Variants in ARSG observed in about 807,000 individuals in gnomAD.
ARSG encodes arylsulfatase G.
Under a neutral mutation model 50.5 loss-of-function variants are expected in ARSG, and 37 were observed. That is an observed-to-expected ratio of 0.73 (90% confidence interval 0.56 to 0.96). The LOEUF is 0.96. Ranked by LOEUF, ARSG falls within the 50% of genes least tolerant of loss-of-function variation. The pLI is 0.00. For synonymous variants in ARSG, 225 were observed against 254.6 expected (o/e 0.88, Z 1.11); for missense variants, 629 against 675.3 (o/e 0.93, Z 0.76).
intron 9 of ARSG, among the ~76,000 whole-genome samples, chr17:68,386,731 T>C (rs2080744306): frequency 6.6e-6 from 1 of 152,184 alleles, no homozygotes; most frequent in East Asian, 1.9e-4. Context: ...CGGGCCAGGC[T>C]GCACATGGAC....
At chr17:68,266,438 T>TG (rs2075164967) in intron 1 of ARSG, among the ~76,000 whole-genome samples, 1 of 28,810 alleles carries the variant, frequency 3.5e-5, no homozygotes, top group Non-Finnish European at 6.7e-5. Context: ...ATATATATAC[T>TG]TTTTTTTGTA....
At chr17:68,323,943 G>T (rs543425192) in intron 2 of ARSG, among the ~76,000 whole-genome samples, 1 of 151,948 alleles carries the variant, frequency 6.6e-6, no homozygotes, top group Non-Finnish European at 1.5e-5. Flanking sequence ...TGTGGTGGCG[G>T]GTGCCTGTAA....
chr17:68,326,998 C>T (rs919086807), intron 2 of ARSG, among the ~76,000 whole-genome samples: 2 of 152,160 alleles, frequency 1.3e-5, no homozygotes, highest in Non-Finnish European at 2.9e-5. Context: ...CTACATTAGA[C>T]ATGAAAAGGC....
chr17:68,450,475 G>T, the ARSG span, among the ~76,000 whole-genome samples: 1 of 152,206 alleles, frequency 6.6e-6, no homozygotes, highest in South Asian at 2.1e-4. Context: ...TGTACCCTAG[G>T]GAGAGGGTGC....
intron 1 of ARSG, among the ~76,000 whole-genome samples, chr17:68,263,582 A>G (rs1218056494): frequency 6.6e-6 from 1 of 151,948 alleles, no homozygotes; most frequent in Non-Finnish European, 1.5e-5. Flanking sequence ...TGCTCTTTCT[A>G]CCTCAGCCTC....
intron 2 of ARSG, among the ~76,000 whole-genome samples, chr17:68,341,770 T>C (rs1053847206): frequency 6.6e-6 from 1 of 152,188 alleles, no homozygotes; most frequent in East Asian, 1.9e-4. Context: ...TTCTCAACAA[T>C]GTCTAAAAAA....
chr17:68,438,599 T>C, the ARSG span, among the ~76,000 whole-genome samples: 1 of 152,186 alleles, frequency 6.6e-6, no homozygotes, highest in Non-Finnish European at 1.5e-5. Flanking sequence ...TCTCAGCACA[T>C]ATGTTTTGCT....
chr17:68,332,330 T>C (rs1055930850), intron 2 of ARSG, among the ~76,000 whole-genome samples: 2 of 152,234 alleles, frequency 1.3e-5, no homozygotes, highest in Non-Finnish European at 2.9e-5. Flanking sequence ...TTATCTCCTT[T>C]GTTCCCTGAA....
intron 2 of ARSG, among the ~76,000 whole-genome samples, chr17:68,311,449 A>C (rs1345854702): frequency 1.3e-5 from 2 of 152,132 alleles, no homozygotes; most frequent in Non-Finnish European, 2.9e-5. Flanking sequence ...ATCCTCCCTA[A>C]ATTCATGTCC....
chr17:68,352,762 G>A (rs1014246731), intron 5 of ARSG, among the ~76,000 whole-genome samples: 3 of 151,992 alleles, frequency 2.0e-5, no homozygotes, highest in Non-Finnish European at 4.4e-5. Context: ...TGCCCACTTC[G>A]GCCTCCCAAA....
intron 1 of ARSG, chr17:68,278,192 C>G (rs782301771): frequency 6.2e-7 from 1 of 1,614,032 alleles, no homozygotes; most frequent in Non-Finnish European, 8.5e-7. Context: ...CACCAAATGT[C>G]TTGATGATGC....
Position 68,307,653 on chromosome 17 carries a change from A to G in ARSG, c.160A>G (p.Asn54Asp). The change falls in exon 2 of 12, where the codon AAC (asparagine) becomes GAC (aspartate). Residue 54 changes from asparagine (N) to aspartate (D), a missense_variant. Asn to Asp is a conservative substitution (Grantham distance 23). Coordinates refer to ENST00000621439, the MANE Select transcript of ARSG (RefSeq NM_001267727.2). Reference sequence around the variant, plus strand: ...CATGGGGTGGGGTGACCTGGGAGCAAACTGGGCAGAAACAAAGGACACTGC... The same window carrying G: ...CATGGGGTGGGGTGACCTGGGAGCAGACTGGGCAGAAACAAAGGACACTGC... ...DDMGWGDLGA[N>D]WAETKDTANL... 1.2e-6 allele frequency: 2 copies of G among 1,612,552 alleles called. No individual in the cohort carries two copies. The highest frequency in any genetic ancestry group is 1.7e-6 in the Non-Finnish European group (2 of 1,178,612).
chr17:68,381,822 A>T lies in ARSG; in HGVS notation c.983-3242A>T, dbSNP rs1325157815. On this transcript the variant is annotated intron_variant, in intron 8 of 11. Coordinates refer to ENST00000621439, the MANE Select transcript of ARSG (RefSeq NM_001267727.2). This position sits in a 1 kb window ranked among gnomAD's most constrained non-coding sequence, Gnocchi z 4.1. ...CAGTCTCTGGGAAAGAGACTTTGGC[A>T]TGCGTATTTTTTAAAAGCTCTCCAG... 4.6e-5 allele frequency among the ~76,000 whole-genome samples: 7 copies of T among 152,148 alleles called. No individual in the cohort carries two copies.
At chr17:68,352,344 G>GA (rs33948326) in intron 5 of ARSG, among the ~76,000 whole-genome samples, 3,435 of 141,944 alleles carry the variant, frequency 0.024, 131 homozygotes, top group African/African-American at 0.082. Context: ...AATAGTAAGT[G>GA]AAAAAAAAAA....
rs746568892 is a variant in ARSG at position 68,381,211 on chromosome 17, C to T, written c.983-3853C>T. ...CGCGTGGGCAGTGGTGAGTCTTCCC[C>T]GGCCTGCCCCTGTCTTCATGCATCA... On this transcript the variant is annotated intron_variant, in intron 8 of 11. Coordinates refer to ENST00000621439, the MANE Select transcript of ARSG (RefSeq NM_001267727.2). The surrounding 1 kb of genome is among the most constrained non-coding windows in gnomAD (Gnocchi z 4.1). Among the ~76,000 whole-genome samples, 127 of 152,186 alleles carry T rather than the reference C, an allele frequency of 8.3e-4. No homozygotes were observed. The highest frequency in any genetic ancestry group is 2.9e-4 in the Non-Finnish European group (20 of 68,024).
chr17:68,382,440 T>TA (rs1202715972), intron 8 of ARSG, among the ~76,000 whole-genome samples: 4 of 152,204 alleles, frequency 2.6e-5, no homozygotes, highest in Non-Finnish European at 5.9e-5. Context: ...GCTCAATAAA[T>TA]ACGAGATGTT....
intron 11 of ARSG, 134 bp downstream of exon 11, chr17:68,401,584 G>T: frequency 1.4e-6 from 1 of 726,304 alleles, no homozygotes; most frequent in Non-Finnish European, 2.2e-6. Context: ...CTTGACAAGC[G>T]TCTCCTCCAA....
intron 1 of ARSG, among the ~76,000 whole-genome samples, chr17:68,291,989 G>A (rs2076017202): frequency 6.6e-6 from 1 of 151,948 alleles, no homozygotes; most frequent in African/African-American, 2.4e-5. Flanking sequence ...CGCGCGCGGC[G>A]CCTGAGTTCC....
chr17:68,314,387 G>A (rs537636114), intron 2 of ARSG, among the ~76,000 whole-genome samples: 5 of 152,182 alleles, frequency 3.3e-5, no homozygotes, highest in East Asian at 1.9e-4. Context: ...GTAGCCAGGC[G>A]TGGCGGCACA....
Sources: allele counts gnomAD v4.1 joint callset (sites outside exome capture counted in the v4.1 genomes callset), GRCh38; gene constraint gnomAD v4.1.1; non-coding constraint Gnocchi (gnomAD v3.1); transcripts MANE v1.5; gene names NCBI Gene and HGNC (gene_info 2026-07-23, HGNC 2026-07-21).